MYT1: variants seen among roughly 807,000 people sequenced by gnomAD.
The protein encoded by MYT1 is myelin transcription factor I.
In MYT1, 23 loss-of-function variants were observed where a neutral mutation model predicts 123.0. The ratio of observed to expected loss-of-function variants is 0.19; its 90% confidence interval spans 0.13 to 0.26. MYT1 has a LOEUF of 0.26. Ranked by LOEUF, MYT1 falls within the 10% of genes least tolerant of loss-of-function variation. MYT1 has a pLI of 1.00. For synonymous variants in MYT1, 518 were observed against 575.3 expected, an observed-to-expected ratio of 0.90 and a Z score of 1.43; for missense variants, 1,125 against 1,472.5, an observed-to-expected ratio of 0.76 and a Z score of 3.86.
chr20:64,205,899 A>G, intron 6 of MYT1, 99 bp downstream of exon 6: 1 of 1,526,256 alleles, frequency 6.6e-7, no homozygotes, highest in South Asian at 1.3e-5. Context: ...GGGCAAGAGA[A>G]AGCCCTTCCT....
chr20:64,222,115 G>T, intron 14 of MYT1, 68 bp downstream of exon 14: 1 of 1,571,508 alleles, frequency 6.4e-7, no homozygotes, highest in Non-Finnish European at 8.7e-7. Context: ...ACAGGCCCTG[G>T]TCCCAACCCA....
chr20:64,240,276 C>T lies in MYT1; in HGVS notation c.3238-44C>T, dbSNP rs769160732. 1.9e-6 allele frequency: 3 copies of T among 1,599,838 alleles called. No individual in the cohort carries two copies. The South Asian group carries it at 3.4e-5, about 18-fold the overall frequency. ...CCACATCAGGCTCTGCGGTGTGGGG[C>T]CCACTGCATGGACGGAGCTTGCTAA... is the stretch of plus-strand genomic sequence containing the variant. On this transcript the variant is annotated intron_variant, in intron 22 of 22. Coordinates refer to ENST00000328439, the MANE Select transcript of MYT1 (RefSeq NM_004535.3).
rs1983742248 is a variant in MYT1 at position 64,213,461 on chromosome 20, A to C, written c.1518-73A>C. Reference sequence around the variant, plus strand: ...TGAATGACCTTGCCGTGAGACACCCACACACACAGACACCCAGGACAGGAC... The same window carrying C: ...TGAATGACCTTGCCGTGAGACACCCCCACACACAGACACCCAGGACAGGAC... On this transcript the variant is annotated intron_variant, in intron 9 of 22. Transcript: ENST00000328439. The surrounding 1 kb of genome is among the most constrained non-coding windows in gnomAD (Gnocchi z 5.6). The C allele has an allele frequency of 2.5e-6, 3 of 1,203,630 alleles. No homozygotes were observed. The highest frequency in any genetic ancestry group is 2.4e-6 in the Non-Finnish European group (2 of 819,808). The allele number at this position is 1,203,630 out of a possible 1,614,324, so 74.6% of individuals were successfully genotyped here.
In MYT1 at chr20:64,208,554, C is replaced by A. The variant is rs1983571354; in HGVS notation, c.1291+67C>A. The A allele has an allele frequency of 1.3e-6, 2 of 1,511,372 alleles. No individual in the cohort carries two copies. The highest frequency in any genetic ancestry group is 2.7e-5 in the South Asian group (2 of 74,284). 93.6% of individuals were successfully genotyped at this position (1,511,372 alleles called of 1,614,324 possible). ...CACCCCTGCCCCAGGTGTGCAGATG[C>A]AGGCTGAGAGCCCTTCTAGGACAGG... On this transcript the variant is annotated intron_variant, in intron 7 of 22. Coordinates refer to ENST00000328439, the MANE Select transcript of MYT1 (RefSeq NM_004535.3). The surrounding 1 kb of genome is among the most constrained non-coding windows in gnomAD (Gnocchi z 5.4).
chr20:64,213,510 AAC>A lies in MYT1; in HGVS notation c.1518-23_1518-22del. On this transcript the variant is annotated intron_variant, in intron 9 of 22. Coordinates refer to ENST00000328439, the MANE Select transcript of MYT1 (RefSeq NM_004535.3). This position sits in a 1 kb window ranked among gnomAD's most constrained non-coding sequence, Gnocchi z 5.6. ...ACAGGCATGGAGGGGAAGGCTCAGA[AAC>A]CCCTCCTCTTCCTTCCTCTAGTTTG... is the stretch of plus-strand genomic sequence containing the variant. 1 of 1,582,158 alleles carries A rather than the reference AAC, an allele frequency of 6.3e-7. No individual in the cohort carries two copies. The highest frequency in any genetic ancestry group is 1.1e-5 in the South Asian group (1 of 90,382).
intron 1 of MYT1, among the ~76,000 whole-genome samples, chr20:64,165,792 C>T (rs1982062897): frequency 6.6e-6 from 1 of 151,530 alleles, no homozygotes; most frequent in Admixed American, 6.6e-5. Flanking sequence ...TATAATTATC[C>T]TTTTGGGAGA....
chr20:64,224,185 A>AG (rs1984098446), intron 16 of MYT1, among the ~76,000 whole-genome samples: 1 of 152,148 alleles, frequency 6.6e-6, no homozygotes, highest in East Asian at 1.9e-4. Flanking sequence ...CCTTGGAGGA[A>AG]GGGGGTCCCA....
chr20:64,195,349 G>A (rs966540028), intron 2 of MYT1, among the ~76,000 whole-genome samples: 2 of 146,036 alleles, frequency 1.4e-5, no homozygotes, highest in East Asian at 4.0e-4. Flanking sequence ...ATGTCATGGT[G>A]AGAACTGTGT....
intron 16 of MYT1, among the ~76,000 whole-genome samples, chr20:64,223,938 C>T (rs1180860164): frequency 1.3e-5 from 2 of 152,200 alleles, no homozygotes; most frequent in Non-Finnish European, 2.9e-5. Flanking sequence ...ACCTCCCTGC[C>T]CCTACCTAAC....
chr20:64,218,762 A>C lies in MYT1; in HGVS notation c.1847-149A>C. 126 of 865,050 alleles carry C rather than the reference A, an allele frequency of 1.5e-4. No individual in the cohort carries two copies. The highest frequency in any genetic ancestry group is 4.8e-4 in the East Asian group (15 of 31,286). The allele number at this position is 865,050 out of a possible 1,614,324, so 53.6% of individuals were successfully genotyped here. ...ATCCCTCCCAAAGTGCCCCCTCCCC[A>C]CTGACTTGTCTGCATTGCTGCCTCT... On this transcript the variant is annotated intron_variant, in intron 11 of 22. Coordinates refer to ENST00000328439, the MANE Select transcript of MYT1 (RefSeq NM_004535.3). The surrounding 1 kb of genome is among the most constrained non-coding windows in gnomAD (Gnocchi z 4.0).
chr20:64,241,382 A>G lies in MYT1; in HGVS notation c.*934A>G, dbSNP rs1049106161. On this transcript the variant is annotated 3_prime_UTR_variant, in exon 23 of 23. Transcript: ENST00000328439. The surrounding 1 kb of genome is among the most constrained non-coding windows in gnomAD (Gnocchi z 4.2). ...TTCACTTCTTTTAGATCCATCCAATATGCGAAAAAAGGGTACATTTTAATT... is the reference window on the plus strand; with the variant it reads ...TTCACTTCTTTTAGATCCATCCAATGTGCGAAAAAAGGGTACATTTTAATT... 1 of 152,488 alleles carries G rather than the reference A, an allele frequency of 6.6e-6. No homozygotes were observed. Among genetic ancestry groups the G allele is most frequent in the African/African-American group, 2.4e-5 (1 of 41,456 alleles). The allele number at this position is 152,488 out of a possible 1,614,324, so 9.4% of individuals were successfully genotyped here.
At chr20:64,228,038 TA>T in intron 18 of MYT1, 67 bp downstream of exon 18, 2 of 1,451,076 alleles carry the variant, frequency 1.4e-6, no homozygotes, top group Non-Finnish European at 1.9e-6. Flanking sequence ...TTTTATAATG[TA>T]AAAAAACTCC....
At position 64,208,098 on chromosome 20, in the gene MYT1, A is replaced by AGG. The variant is rs1983551290; in HGVS notation, c.902_903insGG (p.Glu303ArgfsTer10). The AGG allele has an allele frequency of 6.2e-7, 1 of 1,609,954 alleles. No individual in the cohort carries two copies. The highest frequency in any genetic ancestry group is 1.3e-5 in the African/African-American group (1 of 74,784). The stretch of plus-strand genomic sequence containing the variant: ...GAAGAGGAGGAGGAAGAGGAAGAGG[A>AGG]AGAGGAGGAGGAGGAGGCAGCTCCT... On this transcript the variant is annotated frameshift_variant, in exon 7 of 23. Transcript: ENST00000328439. LOFTEE classifies it high-confidence loss of function. This position sits in a 1 kb window ranked among gnomAD's most constrained non-coding sequence, Gnocchi z 5.4.
chr20:64,235,702 C>G (rs374068368), intron 19 of MYT1, among the ~76,000 whole-genome samples: 1 of 117,460 alleles, frequency 8.5e-6, no homozygotes, highest in Admixed American at 8.1e-5. Context: ...GGTGGGTGAC[C>G]CTTGGCTGGC....
Position 64,212,162 on chromosome 20 carries a change from A to T in MYT1, c.1517+24A>T. ...AGGTACTTGGACTGAGCTGGGCCGT[A>T]GTGGGGGCCAGGGTGGGGGCCGTGG... On this transcript the variant is annotated intron_variant, in intron 9 of 22. Coordinates refer to ENST00000328439, the MANE Select transcript of MYT1 (RefSeq NM_004535.3). The surrounding 1 kb of genome is among the most constrained non-coding windows in gnomAD (Gnocchi z 6.8). 3 of 1,156,596 alleles carry T rather than the reference A, an allele frequency of 2.6e-6. No homozygotes were observed. The highest frequency in any genetic ancestry group is 2.4e-6 in the Non-Finnish European group (2 of 842,460). The allele number at this position is 1,156,596 out of a possible 1,614,324, so 71.6% of individuals were successfully genotyped here. A position where few individuals can be genotyped will look rare whatever the true frequency, so the allele number is the denominator to read the frequency against.
At chr20:64,227,605 G>T (rs146131336) in intron 17 of MYT1, 128 bp downstream of exon 17, 3 of 935,430 alleles carry the variant, frequency 3.2e-6, no homozygotes, top group Non-Finnish European at 4.8e-6. Context: ...AATCTGAATT[G>T]TTGCCATTTC....
At chr20:64,181,205 G>C (rs1260717484) in intron 1 of MYT1, among the ~76,000 whole-genome samples, 2 of 151,888 alleles carry the variant, frequency 1.3e-5, no homozygotes, top group African/African-American at 2.4e-5. Flanking sequence ...GGTTGGATGT[G>C]GGTCTCTTTT....
intron 21 of MYT1, among the ~76,000 whole-genome samples, chr20:64,238,480 C>G (rs780949595): frequency 1.3e-4 from 20 of 152,084 alleles, no homozygotes; most frequent in Non-Finnish European, 2.2e-4. Context: ...AACAGGCTCA[C>G]GTTGACCGCT....
intron 19 of MYT1, among the ~76,000 whole-genome samples, 175 bp from the exon 20 acceptor site, chr20:64,236,380 A>ACCCTGGGC (rs1984544572): frequency 1.2e-5 from 1 of 80,170 alleles, no homozygotes; most frequent in Admixed American, 1.2e-4. Context: ...TGACCCTGGG[A>ACCCTGGGC]TGGCCGTGGT....
Sources: gnomAD v4.1 joint callset for allele counts (sites outside exome capture counted in the v4.1 genomes callset) on GRCh38, gnomAD v4.1.1 for gene constraint, Gnocchi (gnomAD v3.1) non-coding constraint, MANE v1.5 for transcripts, NCBI Gene and HGNC (gene_info 2026-07-23, HGNC 2026-07-21) for gene names.